MGAT4C: variants seen among roughly 807,000 people sequenced by gnomAD.
MGAT4C encodes the protein MGAT4 family member C.
In MGAT4C, 19 loss-of-function variants were observed where a neutral mutation model predicts 40.1. That is an observed-to-expected ratio of 0.47 (90% CI 0.33 to 0.70). The LOEUF is 0.70. Among genes scored for constraint, MGAT4C ranks in the 30% least tolerant of loss-of-function variants. MGAT4C has a pLI of 0.02. For synonymous variants in MGAT4C, 181 were observed against 187.1 expected (o/e 0.97, Z 0.27); for missense variants, 491 against 563.2 (o/e 0.87, Z 1.30).
chr12:86,588,271 G>T (rs553017581), intron 2 of MGAT4C, among the ~76,000 whole-genome samples: 27 of 152,038 alleles, frequency 1.8e-4, no homozygotes, highest in Non-Finnish European at 3.1e-4. Flanking sequence ...TGATAAAACA[G>T]ACTTTAAACC....
chr12:86,766,383 T>C (rs370444379), intron 1 of MGAT4C, among the ~76,000 whole-genome samples: 3 of 152,002 alleles, frequency 2.0e-5, no homozygotes, highest in South Asian at 2.1e-4. Flanking sequence ...CCTGAGTGAC[T>C]TACAAAGAGA....
chr12:86,520,307 T>C (rs147395714), intron 2 of MGAT4C, among the ~76,000 whole-genome samples: 14 of 152,330 alleles, frequency 9.2e-5, no homozygotes, highest in African/African-American at 3.1e-4. Flanking sequence ...CACTTATAAG[T>C]GAGAATATGT....
intron 2 of MGAT4C, among the ~76,000 whole-genome samples, chr12:86,650,490 G>A (rs1666870354): frequency 6.6e-6 from 1 of 151,856 alleles, no homozygotes; most frequent in African/African-American, 2.4e-5. Flanking sequence ...ACACAGCAGT[G>A]ACACATTTAA....
intron 2 of MGAT4C, among the ~76,000 whole-genome samples, chr12:86,494,622 TAA>T (rs1057250649): frequency 6.8e-6 from 1 of 147,352 alleles, no homozygotes; most frequent in East Asian, 2.0e-4. Flanking sequence ...AGCAATCATT[TAA>T]AAAAAAAACG....
At chr12:86,758,870 G>A (rs1036230206) in intron 1 of MGAT4C, among the ~76,000 whole-genome samples, 1 of 151,886 alleles carries the variant, frequency 6.6e-6, no homozygotes, top group Non-Finnish European at 1.5e-5. Flanking sequence ...CAACTTGAAC[G>A]TTTGTCATTT....
At chr12:86,161,886 C>A (rs4842453) in intron 1 of MGAT4C, among the ~76,000 whole-genome samples, 1 of 151,948 alleles carries the variant, frequency 6.6e-6, no homozygotes, top group Non-Finnish European at 1.5e-5. Context: ...TGCCAACAAA[C>A]GCATGAAAAA....
intron 1 of MGAT4C, among the ~76,000 whole-genome samples, chr12:86,810,641 T>G (rs1952454060): frequency 1.3e-5 from 2 of 151,970 alleles, no homozygotes; most frequent in South Asian, 2.1e-4. Context: ...TATTGATTTT[T>G]GAGTGTTCAA....
At chr12:86,418,962 T>C (rs781740961) in intron 3 of MGAT4C, among the ~76,000 whole-genome samples, 7 of 152,174 alleles carry the variant, frequency 4.6e-5, no homozygotes, top group Non-Finnish European at 8.8e-5. Context: ...AAAATGCTCA[T>C]ATTTTTGTTT....
intron 2 of MGAT4C, among the ~76,000 whole-genome samples, chr12:86,592,932 G>C (rs1192106805): frequency 6.6e-6 from 1 of 152,142 alleles, no homozygotes; most frequent in Non-Finnish European, 1.5e-5. Flanking sequence ...TTGCATAGCA[G>C]TCATTTGTGA....
chr12:86,078,196 T>C (rs1357128761), intron 1 of MGAT4C, among the ~76,000 whole-genome samples: 4 of 152,282 alleles, frequency 2.6e-5, no homozygotes, highest in South Asian at 2.1e-4. Context: ...ATCAGCCTTC[T>C]AGAGAACTTT....
intron 1 of MGAT4C, among the ~76,000 whole-genome samples, chr12:86,071,469 T>TTGAAA (rs1445068118): frequency 6.6e-6 from 1 of 152,078 alleles, no homozygotes; most frequent in Non-Finnish European, 1.5e-5. Flanking sequence ...TTGATAACTT[T>TTGAAA]ACATCTGGCT....
rs562495790 is a variant in MGAT4C at position 86,677,978 on chromosome 12, C to T, written c.-229+49231G>A. 7.9e-5 allele frequency among the ~76,000 whole-genome samples: 12 copies of T among 151,286 alleles called. No homozygotes were observed. In the South Asian group the frequency reaches 1.0e-3, roughly 13 times the overall value. ...TTTCTTCTACCTTTACACTCGCTTC[C>T]TAGAAAATAACATCCAGTCCCATGG... On this transcript the variant is annotated intron_variant, in intron 2 of 7. Coordinates refer to the MGAT4C transcript ENST00000548651.
chr12:86,204,002 G>GA (rs1950157391), intron 1 of MGAT4C, among the ~76,000 whole-genome samples: 1 of 137,802 alleles, frequency 7.3e-6, no homozygotes. Flanking sequence ...ATGCCTTATA[G>GA]CTAACTTCTA....
intron 1 of MGAT4C, among the ~76,000 whole-genome samples, chr12:86,247,832 G>T (rs1242764168): frequency 1.3e-5 from 2 of 152,128 alleles, no homozygotes; most frequent in Admixed American, 6.6e-5. Flanking sequence ...TGTACGTAAT[G>T]GAAGGCCACT....
intron 2 of MGAT4C, among the ~76,000 whole-genome samples, chr12:86,043,203 G>T (rs1331002246): frequency 6.6e-6 from 1 of 152,188 alleles, no homozygotes; most frequent in East Asian, 1.9e-4. Flanking sequence ...TATGATAGAT[G>T]TATATATAAA....
intron 2 of MGAT4C, among the ~76,000 whole-genome samples, chr12:86,579,317 A>G (rs1363546597): frequency 6.6e-5 from 10 of 151,400 alleles, no homozygotes; most frequent in Non-Finnish European, 1.3e-4. Flanking sequence ...TTGTGTATCC[A>G]TTGTAAGTTT....
At chr12:86,059,219 G>T (rs1893694122) in intron 1 of MGAT4C, among the ~76,000 whole-genome samples, 1 of 151,946 alleles carries the variant, frequency 6.6e-6, no homozygotes, top group South Asian at 2.1e-4. Context: ...ACTAATTTTT[G>T]TATTTTTAGT....
At chr12:85,988,958 T>C (rs1014231265) in intron 3 of MGAT4C, among the ~76,000 whole-genome samples, 3 of 152,062 alleles carry the variant, frequency 2.0e-5, no homozygotes, top group East Asian at 3.8e-4. Context: ...ATATTACTTA[T>C]ACAAATAGCA....
chr12:86,744,264 G>A (rs1243870571), intron 1 of MGAT4C, among the ~76,000 whole-genome samples: 2 of 151,414 alleles, frequency 1.3e-5, no homozygotes, highest in Non-Finnish European at 3.0e-5. Flanking sequence ...ATTCTCTCCT[G>A]AGGATAGCTT....
Sources: allele counts gnomAD v4.1 joint callset (sites outside exome capture counted in the v4.1 genomes callset), GRCh38; gene constraint gnomAD v4.1.1; transcripts MANE v1.5; gene names NCBI Gene and HGNC (gene_info 2026-07-23, HGNC 2026-07-21).